The following CACNA2D1 variants were observed in gnomAD, a reference collection of about 807,000 sequenced individuals.
CACNA2D1 encodes voltage-dependent calcium channel subunit alpha-2/delta-1.
CACNA2D1 carries 53 observed loss-of-function variants against 171.5 expected under a neutral mutation model. The ratio of observed to expected loss-of-function variants is 0.31; its 90% CI spans 0.25 to 0.39. The LOEUF (loss-of-function observed/expected upper bound fraction) is 0.39. CACNA2D1 is among the 10% of genes least tolerant of loss of function. The pLI is 1.00. For missense variants in CACNA2D1, 903 were observed against 1,299.8 expected (o/e 0.69, Z 4.69); for synonymous variants, 442 against 443.1 (o/e 1.00, Z 0.03).
At position 82,443,579 on chromosome 7, in the gene CACNA2D1, G is replaced by C; in HGVS notation, c.-120C>G. 1 of 1,472,350 alleles carries C rather than the reference G, an allele frequency of 6.8e-7. No individual in the cohort carries two copies. The highest frequency in any genetic ancestry group is 9.0e-7 in the Non-Finnish European group (1 of 1,109,746). 91.2% of individuals were successfully genotyped at this position (1,472,350 alleles called of 1,614,324 possible). On this transcript the variant is annotated 5_prime_UTR_variant, in exon 1 of 39. Transcript: ENST00000356860. ...GGGACCGCGGGCGTCTGGAGGGCTGGCTGCGCCCGGGGCCCGAGGCGCGGA... is the reference window on the plus strand; with the variant it reads ...GGGACCGCGGGCGTCTGGAGGGCTGCCTGCGCCCGGGGCCCGAGGCGCGGA...
chr7:82,218,239 C>T (rs1221549069), intron 3 of CACNA2D1, among the ~76,000 whole-genome samples: 1 of 152,026 alleles, frequency 6.6e-6, no homozygotes, highest in Non-Finnish European at 1.5e-5. Flanking sequence ...CGGCCGACTA[C>T]ATTATTTATT....
At chr7:81,967,517 G>A (rs1353848176) in intron 30 of CACNA2D1, 79 bp downstream of exon 30, 3 of 782,486 alleles carry the variant, frequency 3.8e-6, no homozygotes, top group Non-Finnish European at 4.4e-6. Flanking sequence ...ATTTGCCACT[G>A]TATAAGGACC....
At chr7:82,102,083 C>T (rs1370250521) in intron 6 of CACNA2D1, among the ~76,000 whole-genome samples, 1 of 152,008 alleles carries the variant, frequency 6.6e-6, no homozygotes, top group Non-Finnish European at 1.5e-5. Flanking sequence ...AGAGAGTAAG[C>T]TGTGGGTTTT....
intron 3 of CACNA2D1, among the ~76,000 whole-genome samples, chr7:82,320,260 T>G (rs1815646818): frequency 6.6e-6 from 1 of 152,174 alleles, no homozygotes; most frequent in Admixed American, 6.5e-5. Context: ...CATATTTAAC[T>G]TATTATACTG....
chr7:82,224,862 A>G (rs2129262598), intron 3 of CACNA2D1, among the ~76,000 whole-genome samples: 1 of 152,258 alleles, frequency 6.6e-6, no homozygotes, highest in African/African-American at 2.4e-5. Context: ...GGAATGCCCC[A>G]CTGTTGGAAA....
At chr7:82,359,672 C>A (rs368956383) in intron 1 of CACNA2D1, among the ~76,000 whole-genome samples, 1 of 151,188 alleles carries the variant, frequency 6.6e-6, no homozygotes, top group Admixed American at 6.6e-5. Context: ...ATAATTTTTT[C>A]TTTTCTCTGA....
rs532510331 is a variant in CACNA2D1, at chr7:82,191,287, T to G, written c.295-20678A>C. Among the ~76,000 whole-genome samples, 7 of 151,922 alleles carry G rather than the reference T, an allele frequency of 4.6e-5. 1 individual carries two copies. In the East Asian group the frequency reaches 1.4e-3, roughly 29 times the overall value. ...TCTTTGCATCTATTCAATATAATAA[T>G]TCTAGCATGCTTACTTATTCAAATA... On this transcript the variant is annotated intron_variant, in intron 3 of 38. Transcript: ENST00000356860.
chr7:82,059,410 T>C (rs1302346536), intron 10 of CACNA2D1, among the ~76,000 whole-genome samples: 1 of 152,126 alleles, frequency 6.6e-6, no homozygotes, highest in East Asian at 1.9e-4. Context: ...TTGGTTTTTA[T>C]GTTAACAAGA....
At chr7:82,116,989 C>T in intron 6 of CACNA2D1, 55 bp downstream of exon 6, 2 of 1,595,286 alleles carry the variant, frequency 1.3e-6, no homozygotes, top group South Asian at 1.1e-5. Flanking sequence ...ACATGGGAAA[C>T]ATAAGACAGG....
At chr7:82,068,568 C>T (rs1807943954) in intron 7 of CACNA2D1, among the ~76,000 whole-genome samples, 1 of 151,910 alleles carries the variant, frequency 6.6e-6, no homozygotes, top group Non-Finnish European at 1.5e-5. Flanking sequence ...CCAATCCCTA[C>T]TGTAGATAAT....
At chr7:82,201,999 A>G (rs1469318066) in intron 3 of CACNA2D1, among the ~76,000 whole-genome samples, 1 of 152,160 alleles carries the variant, frequency 6.6e-6, no homozygotes, top group Non-Finnish European at 1.5e-5. Flanking sequence ...AGGAAAACGG[A>G]TGGGCCACGG....
At chr7:82,111,332 A>G (rs1788362155) in intron 6 of CACNA2D1, among the ~76,000 whole-genome samples, 1 of 121,840 alleles carries the variant, frequency 8.2e-6, no homozygotes, top group Admixed American at 7.8e-5. Flanking sequence ...ATACGCATAC[A>G]CGTATATATA....
chr7:82,413,350 ATTG>A (rs1827860581), intron 1 of CACNA2D1, among the ~76,000 whole-genome samples: 2 of 152,318 alleles, frequency 1.3e-5, no homozygotes, highest in Non-Finnish European at 2.9e-5. Flanking sequence ...CTGCCAAAGA[ATTG>A]TTGTGTCTGC....
intron 38 of CACNA2D1, among the ~76,000 whole-genome samples, chr7:81,955,215 A>T (rs1310463386): frequency 2.0e-5 from 3 of 152,054 alleles, no homozygotes; most frequent in African/African-American, 4.8e-5. Context: ...TCCGGACTCT[A>T]CCGGGTATAA....
At chr7:82,332,722 G>A (rs978249506) in intron 3 of CACNA2D1, among the ~76,000 whole-genome samples, 1 of 152,290 alleles carries the variant, frequency 6.6e-6, no homozygotes, top group African/African-American at 2.4e-5. Flanking sequence ...GAACCAGGCG[G>A]GGTGCAGTGG....
chr7:82,025,387 T>C (rs1413591673), intron 12 of CACNA2D1, among the ~76,000 whole-genome samples: 1 of 151,694 alleles, frequency 6.6e-6, no homozygotes, highest in African/African-American at 2.4e-5. Context: ...AGTTTATTCC[T>C]AACTGTAGTA....
intron 1 of CACNA2D1, among the ~76,000 whole-genome samples, chr7:82,393,630 C>A (rs1032790277): frequency 6.6e-6 from 1 of 152,098 alleles, no homozygotes; most frequent in Non-Finnish European, 1.5e-5. Context: ...TCCACCTATA[C>A]AAATATCTGT....
rs147360048 is a variant in CACNA2D1 at position 82,005,806 on chromosome 7, C to G, written c.1474G>C (p.Val492Leu). The G allele has an allele frequency of 6.2e-6, 10 of 1,607,900 alleles. No homozygotes were observed. Among genetic ancestry groups the G allele is most frequent in the Non-Finnish European group, 8.5e-6 (10 of 1,174,630 alleles). ...AGTCTTTTAATATCTTCCAAAGACA[C>G]ATCTACTCCCATCACACCAAGAATC... ...QLILGVMGVD[V>L]SLEDIKRLTP... The change falls in exon 17 of 39, where the codon GTG (valine) becomes CTG (leucine). Residue 492 changes from valine (V) to leucine (L), a missense_variant. By Grantham distance (32) the Val-to-Leu change is conservative. Around this residue, in one of 5 missense-constraint regions of CACNA2D1, gnomAD observed 623 missense variants for 925.5 expected, o/e 0.67. Transcript: ENST00000356860.
rs376415947 is a variant in CACNA2D1, at chr7:82,080,405, G to A, written c.658+4364C>T. Reference sequence around the variant, plus strand: ...ATTATAAAATTCTATATATCTGGACGAATAGGCTTTGCTTGATCTTTACAA... The same window carrying A: ...ATTATAAAATTCTATATATCTGGACAAATAGGCTTTGCTTGATCTTTACAA... On this transcript the variant is annotated intron_variant, in intron 7 of 38. Coordinates refer to ENST00000356860, the MANE Select transcript of CACNA2D1 (RefSeq NM_000722.4). Among the ~76,000 whole-genome samples, 640 of 152,182 alleles carry A rather than the reference G, an allele frequency of 4.2e-3. 3 individuals carry two copies. The highest frequency in any genetic ancestry group is 0.015 in the African/African-American group (614 of 41,530).
Sources: allele counts gnomAD v4.1 joint callset (sites outside exome capture counted in the v4.1 genomes callset), GRCh38; gene constraint gnomAD v4.1.1; regional missense constraint gnomAD v4.1.1; transcripts MANE v1.5; gene names NCBI Gene and HGNC (gene_info 2026-07-23, HGNC 2026-07-21).